Variants in PCDHA11 observed in about 807,000 individuals in gnomAD.
The protein encoded by PCDHA11 is protocadherin alpha 11.
Under a neutral mutation model 70.3 loss-of-function variants are expected in PCDHA11, and 61 were observed. The ratio of observed to expected loss-of-function variants is 0.87; its 90% confidence interval spans 0.71 to 1.07. PCDHA11 has a LOEUF of 1.07. Ranked by LOEUF, PCDHA11 falls within the 50% of genes least tolerant of loss-of-function variation. The pLI, the probability that PCDHA11 is intolerant of heterozygous loss-of-function variation, is 0.00. For missense variants in PCDHA11, 1,324 were observed against 1,237.5 expected (o/e 1.07, Z -1.05); for synonymous variants, 633 against 555.1 (o/e 1.14, Z -1.97).
At chr5:140,887,029 T>C (rs1308343052) in intron 1 of PCDHA11, among the ~76,000 whole-genome samples, 1 of 152,140 alleles carries the variant, frequency 6.6e-6, no homozygotes, top group Non-Finnish European at 1.5e-5. Flanking sequence ...AAAAATTTCT[T>C]TAATATTTTT....
chr5:140,883,861 G>A (rs1554180326), intron 1 of PCDHA11: 2 of 1,613,126 alleles, frequency 1.2e-6, no homozygotes, highest in South Asian at 1.1e-5. Flanking sequence ...TGGAGCTGTT[G>A]CAGTTCCAGG....
At chr5:140,874,672 C>A (rs2055057233) in intron 1 of PCDHA11, among the ~76,000 whole-genome samples, 1 of 152,126 alleles carries the variant, frequency 6.6e-6, no homozygotes, top group South Asian at 2.1e-4. Flanking sequence ...GAATCTATTC[C>A]TGAGATTTGT....
chr5:140,947,083 A>T (rs1268359945), intron 1 of PCDHA11, among the ~76,000 whole-genome samples: 1 of 151,728 alleles, frequency 6.6e-6, no homozygotes, highest in African/African-American at 2.4e-5. Context: ...TTGAAACATC[A>T]GACTGTAGCC....
At chr5:140,926,301 C>T (rs1554203262) in intron 1 of PCDHA11, 1 of 152,336 alleles carries the variant, frequency 6.6e-6, no homozygotes, top group Non-Finnish European at 1.5e-5. Flanking sequence ...GTCCCGCCCT[C>T]TCCGCCGGAG....
chr5:140,915,389 G>T (rs1382922139), intron 1 of PCDHA11, among the ~76,000 whole-genome samples: 5 of 152,078 alleles, frequency 3.3e-5, no homozygotes, highest in African/African-American at 4.8e-5. Context: ...TGAAGAGCTA[G>T]GTATTTCTTA....
intron 1 of PCDHA11, among the ~76,000 whole-genome samples, chr5:140,956,211 TCCTTG>T (rs2095268091): frequency 6.6e-6 from 1 of 152,198 alleles, no homozygotes; most frequent in Non-Finnish European, 1.5e-5. Flanking sequence ...AAAGAGGGCA[TCCTTG>T]TCTTGTGCTG....
intron 1 of PCDHA11, among the ~76,000 whole-genome samples, chr5:140,972,724 C>T (rs953044769): frequency 1.9e-4 from 27 of 140,890 alleles, no homozygotes; most frequent in Non-Finnish European, 3.3e-4. Context: ...AGTGCAGTGG[C>T]GTAATCCCGG....
chr5:140,979,414 T>C (rs1410205907), intron 2 of PCDHA11, among the ~76,000 whole-genome samples: 1 of 152,242 alleles, frequency 6.6e-6, no homozygotes, highest in African/African-American at 2.4e-5. Flanking sequence ...CCTTGTTTTT[T>C]TTTTAATCTC....
chr5:140,966,978 G>T lies in PCDHA11; in HGVS notation c.2392-11971G>T, dbSNP rs782662616. The stretch of plus-strand genomic sequence containing the variant: ...CGCGCGCTGGGGCTTGAGCTGCGGC[G>T]CTTGGGGCCGGGTTGCTTGCGCATC... On this transcript the variant is annotated intron_variant, in intron 1 of 3. Transcript: ENST00000398640. 3.1e-6 allele frequency: 5 copies of T among 1,603,218 alleles called. No homozygotes were observed. In the African/African-American group the frequency reaches 5.3e-5, roughly 17 times the overall value.
Position 140,870,319 on chromosome 5 carries a change from T to A in PCDHA11, c.1216T>A (p.Leu406Met). 1 of 1,614,162 alleles carries A rather than the reference T, an allele frequency of 6.2e-7. No individual in the cohort carries two copies. Among genetic ancestry groups the A allele is most frequent in the Non-Finnish European group, 8.5e-7 (1 of 1,179,998 alleles). ...LVSTFKNYYSLVLDSALDREN... is the reference protein window; with the variant it reads ...LVSTFKNYYSMVLDSALDREN... The stretch of plus-strand genomic sequence containing the variant: ...GTCCACCTTCAAGAATTACTACTCG[T>A]TGGTGCTGGACAGCGCCCTGGACCG... Residue 406 changes from leucine to methionine, a missense_variant, in exon 1 of 4, where the codon TTG (leucine) becomes ATG (methionine). Physicochemically the swap from Leu to Met is conservative, Grantham distance 15 (BLOSUM62 2). Coordinates refer to ENST00000398640, the MANE Select transcript of PCDHA11 (RefSeq NM_018902.5).
intron 1 of PCDHA11, among the ~76,000 whole-genome samples, chr5:140,921,145 T>G (rs2080047732): frequency 4.1e-5 from 1 of 24,298 alleles, no homozygotes; most frequent in Admixed American, 5.4e-4. Flanking sequence ...TACACCCAGC[T>G]AATGCATTTT....
At chr5:140,952,479 A>C (rs246034) in intron 1 of PCDHA11, among the ~76,000 whole-genome samples, 85,668 of 152,018 alleles carry the variant, frequency 0.56, 24,767 homozygotes, top group African/African-American at 0.69. Flanking sequence ...GGAAAGTGAC[A>C]TTTGCTCCAG....
At chr5:140,884,607 T>C (rs1554181780) in intron 1 of PCDHA11, 1 of 1,614,044 alleles carries the variant, frequency 6.2e-7, no homozygotes, top group Non-Finnish European at 8.5e-7. Flanking sequence ...CCTCCTTGTC[T>C]GGGTTCTGCA....
chr5:140,967,728 G>C (rs781785028), intron 1 of PCDHA11: 13 of 1,614,176 alleles, frequency 8.1e-6, no homozygotes, highest in Non-Finnish European at 1.1e-5. Flanking sequence ...CGAGTAATTG[G>C]GGGGCTGGAT....
intron 3 of PCDHA11, among the ~76,000 whole-genome samples, chr5:140,986,469 T>G (rs2097202307): frequency 6.6e-6 from 1 of 152,214 alleles, no homozygotes; most frequent in Non-Finnish European, 1.5e-5. Context: ...TGCCCTCTTG[T>G]GATCAGTTCC....
intron 1 of PCDHA11, among the ~76,000 whole-genome samples, chr5:140,951,349 T>C (rs1403359324): frequency 1.3e-5 from 2 of 152,144 alleles, no homozygotes; most frequent in Non-Finnish European, 2.9e-5. Flanking sequence ...GTTAGTCCAT[T>C]ATTGCACTGT....
intron 1 of PCDHA11, among the ~76,000 whole-genome samples, chr5:140,956,672 G>A (rs571890845): frequency 1.3e-5 from 2 of 152,242 alleles, no homozygotes; most frequent in Admixed American, 1.3e-4. Context: ...AAAGGAGTTA[G>A]GGAGGAGTAC....
intron 1 of PCDHA11, among the ~76,000 whole-genome samples, chr5:140,932,061 T>G (rs1009983968): frequency 5.3e-5 from 8 of 152,046 alleles, no homozygotes; most frequent in African/African-American, 1.9e-4. Flanking sequence ...TACTAAAAAT[T>G]ATCAGTTTAA....
intron 3 of PCDHA11, among the ~76,000 whole-genome samples, chr5:141,005,089 A>C (rs1554259886): frequency 6.6e-6 from 1 of 152,244 alleles, no homozygotes; most frequent in Non-Finnish European, 1.5e-5. Context: ...TTAGTACTTT[A>C]CATGCATTAC....
Sources: allele counts gnomAD v4.1 joint callset (sites outside exome capture counted in the v4.1 genomes callset), GRCh38; gene constraint gnomAD v4.1.1; transcripts MANE v1.5; gene names NCBI Gene and HGNC (gene_info 2026-07-23, HGNC 2026-07-21).